UBAP2L: variants seen among roughly 807,000 people sequenced by gnomAD.
UBAP2L encodes the protein ubiquitin associated protein 2 like, also known as ubiquitin-associated protein 2-like.
In UBAP2L, 12 loss-of-function variants were observed where a neutral mutation model predicts 130.6. The observed-to-expected ratio is 0.09, with a 90% CI of 0.06 to 0.15. The LOEUF is 0.15. UBAP2L is among the 10% of genes least tolerant of loss of function. The pLI is 1.00. For missense variants in UBAP2L, 965 were observed against 1,332.5 expected (o/e 0.72, Z 4.29); for synonymous variants, 503 against 524.7 (o/e 0.96, Z 0.57).
chr1:154,251,982 T>A (rs530615755), intron 14 of UBAP2L, among the ~76,000 whole-genome samples: 27 of 151,540 alleles, frequency 1.8e-4, no homozygotes, highest in Non-Finnish European at 2.8e-4. Flanking sequence ...ACAAAAAAAA[T>A]TTTTTTTTAA....
intron 2 of UBAP2L, among the ~76,000 whole-genome samples, chr1:154,225,516 C>G (rs2148460954): frequency 6.6e-6 from 1 of 151,226 alleles, no homozygotes; most frequent in South Asian, 2.1e-4. Context: ...TTGCCTAGGT[C>G]AAAGTGCAGT....
At position 154,249,433 on chromosome 1, in the gene UBAP2L, G is replaced by A. The variant is rs1676733026; in HGVS notation, c.1209G>A (p.Gln403=). ...CGACACAATCCCCATCACTGGTGCAGTATGGTGAGAAGATGGAAAGTGACT... is the reference window on the plus strand; with the variant it reads ...CGACACAATCCCCATCACTGGTGCAATATGGTGAGAAGATGGAAAGTGACT... ...GSTTQSPSLV[Q]YDLKNPSDSA... The change falls in exon 12 of 27, where the codon CAG becomes CAA. Residue 403 remains glutamine, a synonymous_variant. Transcript: ENST00000428931. The A allele has an allele frequency of 6.2e-7, 1 of 1,614,130 alleles. No homozygotes were observed. The highest frequency in any genetic ancestry group is 1.1e-5 in the South Asian group (1 of 91,072).
intron 7 of UBAP2L, 76 bp from the exon 8 acceptor site, chr1:154,236,948 A>G: frequency 1.8e-6 from 2 of 1,124,250 alleles, no homozygotes; most frequent in Non-Finnish European, 2.7e-6. Flanking sequence ...GGATGCAGTC[A>G]AGATTTTGAT....
Position 154,259,631 on chromosome 1 carries a change from GT to G in UBAP2L, c.2497-313del, listed in dbSNP as rs1680860289. 3 of 394,234 alleles carry G rather than the reference GT, an allele frequency of 7.6e-6. No homozygotes were observed. The South Asian group carries it at 8.0e-5, about 10-fold the overall frequency. The allele number at this position is 394,234 out of a possible 1,614,324, so 24.4% of individuals were successfully genotyped here. A position where few individuals can be genotyped will look rare whatever the true frequency, so the allele number is the denominator to read the frequency against. ...GACACTTTAAATTATCGAATGATCTGTTTTCTCAGTAGAATAAGCTTGGTAT... is the reference window on the plus strand; with the variant it reads ...GACACTTTAAATTATCGAATGATCTGTTTCTCAGTAGAATAAGCTTGGTAT... On this transcript the variant is annotated intron_variant, in intron 21 of 26. Coordinates refer to ENST00000428931, the MANE Select transcript of UBAP2L (RefSeq NM_014847.4).
At chr1:154,254,482 A>G (rs776052906) in intron 15 of UBAP2L, among the ~76,000 whole-genome samples, 2 of 152,110 alleles carry the variant, frequency 1.3e-5, no homozygotes, top group Non-Finnish European at 2.9e-5. Flanking sequence ...CAGCCAGCGG[A>G]ATAGGTGGTG....
intron 22 of UBAP2L, 130 bp downstream of exon 22, chr1:154,260,159 G>T: frequency 5.3e-6 from 5 of 944,320 alleles, no homozygotes; most frequent in Non-Finnish European, 8.2e-6. Context: ...CTAAAGTTGG[G>T]CATGTCATGG....
rs879670058 is a variant in UBAP2L at position 154,225,467 on chromosome 1, C to CT, written c.90+266dup. On this transcript the variant is annotated intron_variant, in intron 2 of 26. Coordinates refer to ENST00000428931, the MANE Select transcript of UBAP2L (RefSeq NM_014847.4). ...TTATTATGGGTCCTGTGCTTTTTAT[C>CT]TTTTTTTTTTTTGTTTTGTTTTAAG... Among the ~76,000 whole-genome samples, 523 of 144,346 alleles carry CT rather than the reference C, an allele frequency of 3.6e-3. 7 individuals are homozygous for CT. The highest frequency in any genetic ancestry group is 9.8e-3 in the African/African-American group (387 of 39,610). 94.7% of individuals were successfully genotyped at this position (144,346 alleles called of 152,430 possible).
intron 6 of UBAP2L, among the ~76,000 whole-genome samples, chr1:154,236,237 C>T (rs886321742): frequency 1.3e-5 from 2 of 152,112 alleles, no homozygotes; most frequent in African/African-American, 2.4e-5. Context: ...GTTTCACTGT[C>T]ACCCAGGCTG....
chr1:154,220,200 C>G, upstream of UBAP2L: 1 of 1,063,694 alleles, frequency 9.4e-7, no homozygotes, highest in Non-Finnish European at 1.4e-6. Context: ...GACTTAAACT[C>G]CCACCTACTC....
At chr1:154,248,112 C>T (rs1404667993) in intron 11 of UBAP2L, among the ~76,000 whole-genome samples, 1 of 152,004 alleles carries the variant, frequency 6.6e-6, no homozygotes, top group Non-Finnish European at 1.5e-5. Flanking sequence ...GGGTTACAGG[C>T]GCCCGCCACC....
At chr1:154,249,673 C>T (rs1199417025) in intron 12 of UBAP2L, among the ~76,000 whole-genome samples, 2 of 152,030 alleles carry the variant, frequency 1.3e-5, no homozygotes, top group Non-Finnish European at 2.9e-5. Context: ...TGGTAGCTTA[C>T]ACCTGTAATC....
At chr1:154,252,862 A>T (rs1441777048) in intron 14 of UBAP2L, among the ~76,000 whole-genome samples, 3 of 150,940 alleles carry the variant, frequency 2.0e-5, no homozygotes, top group Non-Finnish European at 4.4e-5. Flanking sequence ...CCCGGCCCAA[A>T]TCTTATATGG....
intron 22 of UBAP2L, 132 bp from the exon 23 acceptor site, chr1:154,260,760 A>T (rs1298197456): frequency 4.6e-6 from 4 of 864,574 alleles, no homozygotes; most frequent in Non-Finnish European, 7.2e-6. Context: ...GCCACTAAGA[A>T]ATGTAATTCA....
intron 24 of UBAP2L, among the ~76,000 whole-genome samples, chr1:154,265,700 G>A (rs549220119): frequency 2.6e-5 from 4 of 152,150 alleles, no homozygotes; most frequent in Non-Finnish European, 5.9e-5. Flanking sequence ...GTAGTGGTTA[G>A]TAGGGAGTTT....
rs1325774800 is a variant in UBAP2L, at chr1:154,254,840, G to T, written c.1859G>T (p.Gly620Val). The stretch of plus-strand genomic sequence containing the variant: ...TGTTTTTTTTTTTTTTACCAGAATG[G>T]CTTCAGTTCTGTGCAGGCCACGCAG... ...PQKDLTQAKNGFSSVQATQLQ... is the reference protein window; with the variant it reads ...PQKDLTQAKNVFSSVQATQLQ... Residue 620 changes from glycine (G) to valine (V), a missense_variant, in exon 16 of 27, where the codon GGC (glycine) becomes GTC (valine). Gly to Val is a moderately radical substitution (Grantham distance 109). Coordinates refer to ENST00000428931, the MANE Select transcript of UBAP2L (RefSeq NM_014847.4). 3 of 1,597,302 alleles carry T rather than the reference G, an allele frequency of 1.9e-6. No homozygotes were observed. Among genetic ancestry groups the T allele is most frequent in the Non-Finnish European group, 1.7e-6 (2 of 1,176,052 alleles).
At chr1:154,256,797 C>G (rs1439712689) in intron 18 of UBAP2L, among the ~76,000 whole-genome samples, 1 of 152,172 alleles carries the variant, frequency 6.6e-6, no homozygotes, top group African/African-American at 2.4e-5. Flanking sequence ...GAATCTGTCT[C>G]CATTTGCTTT....
chr1:154,257,839 T>C (rs1040743752), intron 20 of UBAP2L: 6 of 200,582 alleles, frequency 3.0e-5, no homozygotes, highest in Admixed American at 2.1e-4. Flanking sequence ...TGTGTGTGTG[T>C]GCGTACAATG....
At chr1:154,231,500 C>T (rs1669826016) in intron 4 of UBAP2L, among the ~76,000 whole-genome samples, 1 of 151,912 alleles carries the variant, frequency 6.6e-6, no homozygotes, top group Non-Finnish European at 1.5e-5. Flanking sequence ...AGGGTTTTGC[C>T]ATGTTGCCTA....
chr1:154,221,895 G>A (rs1169393563), intron 1 of UBAP2L, among the ~76,000 whole-genome samples: 1 of 152,178 alleles, frequency 6.6e-6, no homozygotes, highest in African/African-American at 2.4e-5. Context: ...TAGAGCACTG[G>A]GGTATTTGTT....
Sources: allele counts gnomAD v4.1 joint callset (sites outside exome capture counted in the v4.1 genomes callset), GRCh38; gene constraint gnomAD v4.1.1; transcripts MANE v1.5; gene names NCBI Gene and HGNC (gene_info 2026-07-23, HGNC 2026-07-21).